The following GPR26 variants were observed in gnomAD, a reference collection of about 807,000 sequenced individuals.
The protein encoded by GPR26 is G protein-coupled receptor 26.
GPR26 carries 15 observed loss-of-function variants against 23.1 expected under a neutral mutation model. That is an observed-to-expected ratio of 0.65 (90% confidence interval 0.43 to 1.00). The LOEUF (loss-of-function observed/expected upper bound fraction) is 1.00. GPR26 is among the 50% of genes least tolerant of loss of function. GPR26 has a pLI of 0.00. For missense variants in GPR26, 359 were observed against 470.5 expected (o/e 0.76, Z 2.19); for synonymous variants, 228 against 222.1 (o/e 1.03, Z -0.24).
At position 123,694,496 on chromosome 10, in the gene GPR26, A is replaced by G. The variant is rs1043767301; in HGVS notation, c.*6336A>G. 6.6e-6 allele frequency: 1 copy of G among 152,030 alleles called. No homozygotes were observed. The highest frequency in any genetic ancestry group is 2.4e-5 in the African/African-American group (1 of 41,398). The allele number at this position is 152,030 out of a possible 1,614,324, so 9.4% of individuals were successfully genotyped here. On this transcript the variant is annotated 3_prime_UTR_variant, in exon 3 of 3. Transcript: ENST00000284674. Reference sequence around the variant, plus strand: ...GAAAGAGAGGACATGGAGAAAATCCATATATTTTTAGCTACCAAAAAAGAG... The same window carrying G: ...GAAAGAGAGGACATGGAGAAAATCCGTATATTTTTAGCTACCAAAAAAGAG...
In GPR26 at chr10:123,692,716, A is replaced by G. The variant is rs7900707; in HGVS notation, c.*4556A>G. The G allele has an allele frequency of 0.17, 25,506 of 152,092 alleles. 2,549 individuals are homozygous for G. Among genetic ancestry groups the G allele is most frequent in the East Asian group, 0.42 (2,184 of 5,156 alleles). 9.4% of individuals were successfully genotyped at this position (152,092 alleles called of 1,614,324 possible). A position where few individuals can be genotyped will look rare whatever the true frequency, so the allele number is the denominator to read the frequency against. Reference sequence around the variant, plus strand: ...GTAGTGTTTCCCATTAATCTTCATCATAATCTTTTGATGTAGGTGCTGTTA... The same window carrying G: ...GTAGTGTTTCCCATTAATCTTCATCGTAATCTTTTGATGTAGGTGCTGTTA... On this transcript the variant is annotated 3_prime_UTR_variant, in exon 3 of 3. Transcript: ENST00000284674.
rs79387931 is a variant in GPR26 at position 123,674,730 on chromosome 10, A to G, written c.669-88A>G. On this transcript the variant is annotated intron_variant, in intron 1 of 2. Coordinates refer to ENST00000284674, the MANE Select transcript of GPR26 (RefSeq NM_153442.4). This position sits in a 1 kb window ranked among gnomAD's most constrained non-coding sequence, Gnocchi z 4.1. ...CTCCATAGTCAAGTTCTCACACTAGAGACTGCTGCCTGTGTTAGTAAATAG... is the reference window on the plus strand; with the variant it reads ...CTCCATAGTCAAGTTCTCACACTAGGGACTGCTGCCTGTGTTAGTAAATAG... 8,050 of 801,566 alleles carry G rather than the reference A, an allele frequency of 0.01. 443 individuals carry two copies. In the African/African-American group the frequency reaches 0.12, roughly 12 times the overall value. 49.7% of individuals were successfully genotyped at this position (801,566 alleles called of 1,614,324 possible). A position where few individuals can be genotyped will look rare whatever the true frequency, so the allele number is the denominator to read the frequency against.
rs190139586 is a variant in GPR26 at position 123,680,427 on chromosome 10, C to G, written c.782+5496C>G. ...AGCTCCACTCTGCAAATGGGGGCAC[C>G]AAGGCTCAGAGAGGAAAGAGACTGC... is the stretch of plus-strand genomic sequence containing the variant. On this transcript the variant is annotated intron_variant, in intron 2 of 2. Coordinates refer to ENST00000284674, the MANE Select transcript of GPR26 (RefSeq NM_153442.4). 2.9e-3 allele frequency among the ~76,000 whole-genome samples: 439 copies of G among 152,268 alleles called. 4 individuals are homozygous for G. Among genetic ancestry groups the G allele is most frequent in the African/African-American group, 9.9e-3 (411 of 41,546 alleles).
Position 123,680,922 on chromosome 10 carries a change from G to A in GPR26, c.782+5991G>A, listed in dbSNP as rs375838667. Among the ~76,000 whole-genome samples, 5 of 149,360 alleles carry A rather than the reference G, an allele frequency of 3.3e-5. No homozygotes were observed. In the East Asian group the frequency reaches 6.1e-4, roughly 18 times the overall value. Reference sequence around the variant, plus strand: ...TAGTGCGATCTCAGCTCACTGCAACGTCCATTTCCCTGGTTCAAGTGATTC... The same window carrying A: ...TAGTGCGATCTCAGCTCACTGCAACATCCATTTCCCTGGTTCAAGTGATTC... On this transcript the variant is annotated intron_variant, in intron 2 of 2. Transcript: ENST00000284674.
At chr10:123,673,872 C>T (rs527237580) in intron 1 of GPR26, among the ~76,000 whole-genome samples, 64 of 152,344 alleles carry the variant, frequency 4.2e-4, no homozygotes, top group African/African-American at 1.5e-3. Flanking sequence ...CACTTGGCCT[C>T]ACAGAGCTTA....
rs1845462090 is a variant in GPR26 at position 123,689,046 on chromosome 10, A to G, written c.*886A>G. On this transcript the variant is annotated 3_prime_UTR_variant, in exon 3 of 3. Coordinates refer to ENST00000284674, the MANE Select transcript of GPR26 (RefSeq NM_153442.4). Reference sequence around the variant, plus strand: ...ACCTGAATTTACAGGAAGTGTTTCAACTTGTCTTATGCATCTTATCTGGCA... The same window carrying G: ...ACCTGAATTTACAGGAAGTGTTTCAGCTTGTCTTATGCATCTTATCTGGCA... 6.6e-6 allele frequency: 1 copy of G among 152,154 alleles called. No homozygotes were observed. Among genetic ancestry groups the G allele is most frequent in the Non-Finnish European group, 1.5e-5 (1 of 68,036 alleles). 9.4% of individuals were successfully genotyped at this position (152,154 alleles called of 1,614,324 possible).
chr10:123,681,149 C>T (rs1167938066), intron 2 of GPR26, among the ~76,000 whole-genome samples: 1 of 152,132 alleles, frequency 6.6e-6, no homozygotes, highest in African/African-American at 2.4e-5. Context: ...CTAACATTCC[C>T]ATTTTAAAGA....
At position 123,666,413 on chromosome 10, in the gene GPR26, C is replaced by G; in HGVS notation, c.6C>G (p.Asn2Lys). Residue 2 changes from asparagine (N) to lysine (K), a missense_variant, in exon 1 of 3, where the codon AAC becomes AAG. Physicochemically the swap from Asn to Lys is moderately conservative, Grantham distance 94. Coordinates refer to ENST00000284674, the MANE Select transcript of GPR26 (RefSeq NM_153442.4). M[N>K]SWDAGLAGLL... Reference sequence around the variant, plus strand: ...GCCGGCGCGGGGCGCGCACCATGAACTCGTGGGACGCGGGCCTGGCGGGGC... The same window carrying G: ...GCCGGCGCGGGGCGCGCACCATGAAGTCGTGGGACGCGGGCCTGGCGGGGC... 1 of 1,494,680 alleles carries G rather than the reference C, an allele frequency of 6.7e-7. No homozygotes were observed. The allele number at this position is 1,494,680 out of a possible 1,614,324, so 92.6% of individuals were successfully genotyped here.
intron 1 of GPR26, among the ~76,000 whole-genome samples, chr10:123,667,956 C>A (rs892230255): frequency 1.3e-5 from 2 of 152,170 alleles, no homozygotes; most frequent in Non-Finnish European, 2.9e-5. Flanking sequence ...AGGAGGGAAA[C>A]AGCTGGCAGC....
At position 123,674,838 on chromosome 10, in the gene GPR26, A is replaced by G; in HGVS notation, c.689A>G (p.Glu230Gly). The part of the protein sequence containing the change: ...LHPSVRERCL[E>G]EQKRRRQRAT... The stretch of plus-strand genomic sequence containing the variant: ...TGCAGTGTGCGGGAACGCTGTCTGG[A>G]GGAGCAGAAGCGGAGGCGACAGCGA... Residue 230 changes from glutamate to glycine, a missense_variant, in exon 2 of 3, where the codon GAG becomes GGG. Glu to Gly is a moderately conservative substitution (Grantham distance 98, BLOSUM62 -2). Transcript: ENST00000284674. The surrounding 1 kb of genome is among the most constrained non-coding windows in gnomAD (Gnocchi z 4.1). The G allele has an allele frequency of 6.2e-7, 1 of 1,613,164 alleles. No individual in the cohort carries two copies.
At chr10:123,667,749 G>T (rs537942072) in intron 1 of GPR26, among the ~76,000 whole-genome samples, 47 of 152,242 alleles carry the variant, frequency 3.1e-4, no homozygotes, top group African/African-American at 1.1e-3. Context: ...GTGCCCCAAG[G>T]CTCCTGGGGC....
rs1287751779 is a variant in GPR26 at position 123,687,912 on chromosome 10, TC to T, written c.783-14del. 3 of 1,553,096 alleles carry T rather than the reference TC, an allele frequency of 1.9e-6. No homozygotes were observed. Among genetic ancestry groups the T allele is most frequent in the East Asian group, 4.5e-5 (2 of 44,580 alleles). On this transcript the variant is annotated splice_polypyrimidine_tract_variant and intron_variant, in intron 2 of 2. Coordinates refer to ENST00000284674, the MANE Select transcript of GPR26 (RefSeq NM_153442.4). ...CTTAGCTATGTCCTCATTAACAGCT[TC>T]CCTGTCTCTCCACAGGCTAGTGGAG...
intron 1 of GPR26, among the ~76,000 whole-genome samples, chr10:123,671,055 C>CGGAG (rs1845244165): frequency 6.6e-6 from 1 of 152,136 alleles, no homozygotes; most frequent in Non-Finnish European, 1.5e-5. Flanking sequence ...CTGTTGCCCT[C>CGGAG]CATCAGTCGG....
chr10:123,690,053 T>C lies in GPR26; in HGVS notation c.*1893T>C, dbSNP rs901510721. 1.2e-4 allele frequency: 19 copies of C among 152,154 alleles called. No individual in the cohort carries two copies. The highest frequency in any genetic ancestry group is 4.1e-4 in the African/African-American group (17 of 41,446). The allele number at this position is 152,154 out of a possible 1,614,324, so 9.4% of individuals were successfully genotyped here. On this transcript the variant is annotated 3_prime_UTR_variant, in exon 3 of 3. Coordinates refer to ENST00000284674, the MANE Select transcript of GPR26 (RefSeq NM_153442.4). ...GGCCTTTTGCCCCACAGAGAGCTGA[T>C]TGTGAAACATCTACTAGCACACCAC... is the stretch of plus-strand genomic sequence containing the variant.
rs1845463597 is a variant in GPR26, at chr10:123,689,202, G to C, written c.*1042G>C. On this transcript the variant is annotated 3_prime_UTR_variant, in exon 3 of 3. Coordinates refer to ENST00000284674, the MANE Select transcript of GPR26 (RefSeq NM_153442.4). ...GTAAGCCTGTTAACAGAAAGTAGAGGCTATTCAAGGTTATCAAGAAAGTGC... is the reference window on the plus strand; with the variant it reads ...GTAAGCCTGTTAACAGAAAGTAGAGCCTATTCAAGGTTATCAAGAAAGTGC... 6.6e-6 allele frequency: 1 copy of C among 152,068 alleles called. No individual in the cohort carries two copies. Among genetic ancestry groups the C allele is most frequent in the Non-Finnish European group, 1.5e-5 (1 of 68,028 alleles). The allele number at this position is 152,068 out of a possible 1,614,324, so 9.4% of individuals were successfully genotyped here.
In GPR26 at chr10:123,674,977, C is replaced by T. The variant is rs190542707; in HGVS notation, c.782+46C>T. The T allele has an allele frequency of 7.1e-4, 853 of 1,209,002 alleles. 1 individual carries two copies. The highest frequency in any genetic ancestry group is 3.2e-3 in the Admixed American group (180 of 56,142). 74.9% of individuals were successfully genotyped at this position (1,209,002 alleles called of 1,614,324 possible). A position where few individuals can be genotyped will look rare whatever the true frequency, so the allele number is the denominator to read the frequency against. ...TGTCTTGGGACTTTGAAGAGTAAGG[C>T]AGGGCCCAGTGACCTTTAGCAGTGG... On this transcript the variant is annotated intron_variant, in intron 2 of 2. Coordinates refer to ENST00000284674, the MANE Select transcript of GPR26 (RefSeq NM_153442.4). This position sits in a 1 kb window ranked among gnomAD's most constrained non-coding sequence, Gnocchi z 4.1.
rs1325720457 is a variant in GPR26, at chr10:123,675,807, TGTGTGTGTGTAC to T, written c.782+887_782+898del. ...ATCTGTGCAGGGTTTTCTGTGTGTG[TGTGTGTGTGTAC>T]GTGTGTGTGTGTACGTGTGTGTGTG... On this transcript the variant is annotated intron_variant, in intron 2 of 2. Coordinates refer to ENST00000284674, the MANE Select transcript of GPR26 (RefSeq NM_153442.4). 5.4e-4 allele frequency among the ~76,000 whole-genome samples: 70 copies of T among 129,050 alleles called. 1 individual carries two copies. Among genetic ancestry groups the T allele is most frequent in the Non-Finnish European group, 9.1e-4 (55 of 60,396 alleles). The allele number at this position is 129,050 out of a possible 152,430, so 84.7% of individuals were successfully genotyped here.
At chr10:123,683,849 A>G (rs1845404249) in intron 2 of GPR26, among the ~76,000 whole-genome samples, 1 of 152,196 alleles carries the variant, frequency 6.6e-6, no homozygotes, top group Non-Finnish European at 1.5e-5. Flanking sequence ...ACCCTAAGTC[A>G]GAAAAATACA....
chr10:123,685,448 C>T (rs1230528951), intron 2 of GPR26, among the ~76,000 whole-genome samples: 1 of 152,212 alleles, frequency 6.6e-6, no homozygotes, highest in Non-Finnish European at 1.5e-5. Context: ...CTGCATGGGG[C>T]CGCGAGAAAG....
Sources: allele counts gnomAD v4.1 joint callset (sites outside exome capture counted in the v4.1 genomes callset), GRCh38; gene constraint gnomAD v4.1.1; non-coding constraint Gnocchi (gnomAD v3.1); transcripts MANE v1.5; gene names NCBI Gene and HGNC (gene_info 2026-07-23, HGNC 2026-07-21).